The following NT5E variants were observed in gnomAD, a reference collection of about 807,000 sequenced individuals.
The protein encoded by NT5E is 5'-nucleotidase ecto.
A neutral mutation model predicts 55.1 loss-of-function variants in NT5E; 53 were observed. The observed-to-expected ratio is 0.96, with a 90% confidence interval of 0.77 to 1.21. The LOEUF (loss-of-function observed/expected upper bound fraction) is 1.21. NT5E is among the 50% of genes most tolerant of loss of function. The probability of loss-of-function intolerance (pLI) is 0.00; values close to 1 mark genes in which losing one functional copy is unlikely to be tolerated. For synonymous variants in NT5E, 270 were observed against 278.4 expected (o/e 0.97, Z 0.30); for missense variants, 683 against 724.3 (o/e 0.94, Z 0.65).
chr6:85,474,572 G>C (rs746379993), intron 3 of NT5E, among the ~76,000 whole-genome samples: 3 of 152,162 alleles, frequency 2.0e-5, no homozygotes, highest in Non-Finnish European at 2.9e-5. Context: ...TGCTTACCAA[G>C]ATTAAACTTG....
intron 5 of NT5E, among the ~76,000 whole-genome samples, chr6:85,488,458 T>C (rs560227019): frequency 2.0e-5 from 3 of 152,354 alleles, no homozygotes; most frequent in Admixed American, 6.5e-5. Context: ...GAAGCTGGTA[T>C]ATAAATGTTA....
At chr6:85,475,580 C>T (rs1362588954) in intron 3 of NT5E, among the ~76,000 whole-genome samples, 1 of 152,180 alleles carries the variant, frequency 6.6e-6, no homozygotes, top group African/African-American at 2.4e-5. Context: ...CCTAGAGTCA[C>T]GAACTGGTCC....
intron 4 of NT5E, 118 bp downstream of exon 4, chr6:85,485,550 T>A: frequency 9.6e-7 from 1 of 1,040,286 alleles, no homozygotes; most frequent in Non-Finnish European, 1.5e-6. Context: ...TGTTGAAGAA[T>A]TTAGTTTCTT....
At chr6:85,464,067 ATTTTTT>A (rs67527174) in intron 1 of NT5E, among the ~76,000 whole-genome samples, 23 of 98,440 alleles carry the variant, frequency 2.3e-4, no homozygotes, top group Non-Finnish European at 4.2e-4. Flanking sequence ...GTAGTTAGGA[ATTTTTT>A]TTTTTTTTTT....
chr6:85,465,133 C>T (rs1484831946), intron 1 of NT5E, among the ~76,000 whole-genome samples: 1 of 152,134 alleles, frequency 6.6e-6, no homozygotes, highest in Admixed American at 6.5e-5. Context: ...GAATAAGGGG[C>T]TCCTCTCCCC....
rs1196637627 is a variant in NT5E at position 85,490,625 on chromosome 6, G to A, written c.1328G>A (p.Gly443Asp). The A allele has an allele frequency of 1.6e-5, 26 of 1,614,048 alleles. No homozygotes were observed. In the Admixed American group the frequency reaches 4.2e-4, roughly 26 times the overall value. Residue 443 changes from glycine to aspartate, a missense_variant, in exon 7 of 9, where the codon GGC becomes GAC. Gly to Asp is a moderately conservative substitution (Grantham distance 94). Coordinates refer to ENST00000257770, the MANE Select transcript of NT5E (RefSeq NM_002526.4). ...TTTGAGCATAGCGTGCACCGCTACGGCCAGTCCACTGGAGAGTTCCTGCAG... is the reference window on the plus strand; with the variant it reads ...TTTGAGCATAGCGTGCACCGCTACGACCAGTCCACTGGAGAGTTCCTGCAG... ...KAFEHSVHRY[G>D]QSTGEFLQVG...
At chr6:85,462,554 CAT>C (rs1483897293) in intron 1 of NT5E, among the ~76,000 whole-genome samples, 2 of 152,194 alleles carry the variant, frequency 1.3e-5, no homozygotes, top group Admixed American at 6.5e-5. Context: ...ACCTTGCACA[CAT>C]GTCTCTAACC....
rs1769859765 is a variant in NT5E at position 85,494,912 on chromosome 6, A to G, written c.*908A>G. The G allele has an allele frequency of 6.6e-6, 1 of 151,714 alleles. No homozygotes were observed. Among genetic ancestry groups the G allele is most frequent in the African/African-American group, 2.4e-5 (1 of 41,002 alleles). 9.4% of individuals were successfully genotyped at this position (151,714 alleles called of 1,614,324 possible). Reference sequence around the variant, plus strand: ...CATGTTAAACAGATACTTGTTAAGCATAGTGCCTGACACACGGCATTAGCT... The same window carrying G: ...CATGTTAAACAGATACTTGTTAAGCGTAGTGCCTGACACACGGCATTAGCT... On this transcript the variant is annotated 3_prime_UTR_variant, in exon 9 of 9. Coordinates refer to ENST00000257770, the MANE Select transcript of NT5E (RefSeq NM_002526.4).
chr6:85,464,336 C>T (rs187960570), intron 1 of NT5E, among the ~76,000 whole-genome samples: 7 of 152,252 alleles, frequency 4.6e-5, no homozygotes, highest in East Asian at 3.9e-4. Flanking sequence ...CTTTCCATGA[C>T]GCTGGCATGT....
At chr6:85,456,042 C>A (rs369225941) in intron 1 of NT5E, among the ~76,000 whole-genome samples, 3 of 152,178 alleles carry the variant, frequency 2.0e-5, no homozygotes, top group East Asian at 3.9e-4. Flanking sequence ...TTCAGCCCTA[C>A]CTCTCCCACT....
chr6:85,489,648 C>G (rs1769743117), intron 6 of NT5E, 49 bp downstream of exon 6: 1 of 1,349,880 alleles, frequency 7.4e-7, no homozygotes, highest in South Asian at 1.2e-5. Context: ...TCTCTCTGAT[C>G]TCCTTTTCTG....
chr6:85,471,513 ACTG>A (rs1299109616), intron 3 of NT5E, 88 bp downstream of exon 3: 1 of 989,828 alleles, frequency 1.0e-6, no homozygotes, highest in African/African-American at 1.6e-5. Context: ...TACTCTTTTT[ACTG>A]CTATTTAATA....
intron 6 of NT5E, 45 bp downstream of exon 6, chr6:85,489,644 T>C: frequency 7.3e-7 from 1 of 1,372,348 alleles, no homozygotes; most frequent in Non-Finnish European, 1.0e-6. Flanking sequence ...GTTCTCTCTC[T>C]GATCTCCTTT....
chr6:85,479,368 A>G (rs1769496403), intron 3 of NT5E, among the ~76,000 whole-genome samples: 1 of 152,186 alleles, frequency 6.6e-6, no homozygotes, highest in Non-Finnish European at 1.5e-5. Context: ...TATGGCTAGG[A>G]ATTCATGACT....
intron 3 of NT5E, among the ~76,000 whole-genome samples, chr6:85,484,392 C>T (rs536946664): frequency 5.3e-5 from 8 of 152,250 alleles, no homozygotes; most frequent in Admixed American, 6.5e-5. Flanking sequence ...CCCTGTATGG[C>T]GACACTCTCC....
At chr6:85,493,235 G>C (rs1769823424) in intron 8 of NT5E, among the ~76,000 whole-genome samples, 2 of 152,172 alleles carry the variant, frequency 1.3e-5, no homozygotes, top group African/African-American at 4.8e-5. Flanking sequence ...CTGGATTGGG[G>C]CTAAACTCTT....
At chr6:85,473,532 A>C (rs1769364265) in intron 3 of NT5E, among the ~76,000 whole-genome samples, 1 of 152,158 alleles carries the variant, frequency 6.6e-6, no homozygotes, top group Non-Finnish European at 1.5e-5. Context: ...GGTTTCAAAA[A>C]GTTTAAACTA....
intron 3 of NT5E, among the ~76,000 whole-genome samples, chr6:85,479,670 T>G (rs1562142412): frequency 6.6e-6 from 1 of 152,082 alleles, no homozygotes; most frequent in Non-Finnish European, 1.5e-5. Context: ...CTTTTTAATC[T>G]CAAGAAATAA....
At chr6:85,491,021 G>A (rs773141401) in intron 7 of NT5E, 1 of 528,050 alleles carries the variant, frequency 1.9e-6, no homozygotes, top group Non-Finnish European at 3.9e-6. Context: ...ATCGTTGCCT[G>A]GAACCATGCC....
Sources: gnomAD v4.1 joint callset for allele counts (sites outside exome capture counted in the v4.1 genomes callset) on GRCh38, gnomAD v4.1.1 for gene constraint, MANE v1.5 for transcripts, NCBI Gene and HGNC (gene_info 2026-07-23, HGNC 2026-07-21) for gene names.